The following GCN1 variants were observed in gnomAD, a reference collection of about 807,000 sequenced individuals.
The protein encoded by GCN1 is stalled ribosome sensor GCN1.
GCN1 carries 90 observed loss-of-function variants against 288.4 expected under a neutral mutation model. The observed-to-expected ratio is 0.31, with a 90% CI of 0.26 to 0.37. The LOEUF (loss-of-function observed/expected upper bound fraction) is 0.37, where lower values mean the gene tolerates loss of function less well. Among genes scored for constraint, GCN1 ranks in the 10% least tolerant of loss-of-function variants. The pLI is 1.00. For missense variants in GCN1, 2,586 were observed against 3,419.9 expected (o/e 0.76, Z 6.08); for synonymous variants, 1,386 against 1,420.2 (o/e 0.98, Z 0.54).
chr12:120,148,109 C>T, intron 37 of GCN1, 58 bp downstream of exon 37: 1 of 1,323,094 alleles, frequency 7.6e-7, no homozygotes, highest in East Asian at 2.3e-5. Flanking sequence ...CCTGCAGTGT[C>T]CAAAGGCTGC....
chr12:120,194,684 G>C lies in GCN1; in HGVS notation c.14C>G (p.Thr5Arg). MAAD[T>R]QVSETLKRFA... ...CCCCGCAGCCGCCCGCCTCACCTGC[G>C]TGTCCGCCGCCATCCTGCCGGGGCT... Residue 5 changes from threonine (T) to arginine (R), a missense_variant, in exon 1 of 58, where the codon ACG (threonine) becomes AGG (arginine). Physicochemically the swap from Thr to Arg is moderately conservative, Grantham distance 71. Transcript: ENST00000300648. 2.0e-6 allele frequency: 3 copies of C among 1,513,246 alleles called. No homozygotes were observed. Among genetic ancestry groups the C allele is most frequent in the Non-Finnish European group, 2.6e-6 (3 of 1,137,416 alleles). The allele number at this position is 1,513,246 out of a possible 1,614,324, so 93.7% of individuals were successfully genotyped here. A position where few individuals can be genotyped will look rare whatever the true frequency, so the allele number is the denominator to read the frequency against.
chr12:120,194,378 G>A (rs1185548591), intron 1 of GCN1, among the ~76,000 whole-genome samples: 1 of 152,240 alleles, frequency 6.6e-6, no homozygotes, highest in East Asian at 1.9e-4. Context: ...TTGGAGAAAA[G>A]AAGTAGAGGC....
At chr12:120,154,149 G>A (rs1056867621) in intron 31 of GCN1, among the ~76,000 whole-genome samples, 2 of 152,252 alleles carry the variant, frequency 1.3e-5, no homozygotes, top group African/African-American at 2.4e-5. Flanking sequence ...CCAGCCCTGT[G>A]TTGGTTTCCC....
At chr12:120,141,551 C>T (rs1199599873) in intron 44 of GCN1, among the ~76,000 whole-genome samples, 1 of 152,184 alleles carries the variant, frequency 6.6e-6, no homozygotes, top group Non-Finnish European at 1.5e-5. Flanking sequence ...GATCTGTCTG[C>T]CCCTGCCAGC....
At chr12:120,176,379 C>T (rs1356820989) in intron 9 of GCN1, among the ~76,000 whole-genome samples, 162 bp from the exon 10 acceptor site, 2 of 152,176 alleles carry the variant, frequency 1.3e-5, no homozygotes, top group East Asian at 1.9e-4. Context: ...AAGCTGTATA[C>T]CTCCCCATCC....
At chr12:120,182,712 C>T (rs1173973459) in intron 5 of GCN1, among the ~76,000 whole-genome samples, 2 of 152,098 alleles carry the variant, frequency 1.3e-5, no homozygotes, top group Admixed American at 6.6e-5. Flanking sequence ...CCAAGGCAGG[C>T]GGATCATCTG....
At chr12:120,164,783 A>G in intron 16 of GCN1, 62 bp from the exon 17 acceptor site, 1 of 970,402 alleles carries the variant, frequency 1.0e-6, no homozygotes, top group Non-Finnish European at 1.6e-6. Flanking sequence ...CATACATACC[A>G]ATACCCAGAA....
intron 33 of GCN1, among the ~76,000 whole-genome samples, chr12:120,152,451 T>C (rs970553955): frequency 6.0e-5 from 8 of 133,050 alleles, no homozygotes; most frequent in East Asian, 2.1e-4. Flanking sequence ...TATATATATA[T>C]ACATGCGTGT....
rs1176238243 is a variant in GCN1, at chr12:120,127,408, T to C, written c.*441A>G. The C allele has an allele frequency of 6.1e-6, 1 of 163,900 alleles. No homozygotes were observed. Among genetic ancestry groups the C allele is most frequent in the African/African-American group, 2.4e-5 (1 of 41,774 alleles). 10.2% of individuals were successfully genotyped at this position (163,900 alleles called of 1,614,324 possible). On this transcript the variant is annotated 3_prime_UTR_variant, in exon 58 of 58. Transcript: ENST00000300648. Reference sequence around the variant, plus strand: ...GGTCAGATCCATTCAGACCTCACAATATTGAAAAGCCAAGCCAGACACACC... The same window carrying C: ...GGTCAGATCCATTCAGACCTCACAACATTGAAAAGCCAAGCCAGACACACC...
intron 14 of GCN1, among the ~76,000 whole-genome samples, chr12:120,171,685 T>C (rs1878319009): frequency 6.6e-6 from 1 of 152,234 alleles, no homozygotes; most frequent in African/African-American, 2.4e-5. Context: ...ATTATGTTTA[T>C]TTTAAAAGCA....
rs892599359 is a variant in GCN1 at position 120,184,872 on chromosome 12, G to A, written c.137C>T (p.Ala46Val). 6 of 1,610,300 alleles carry A rather than the reference G, an allele frequency of 3.7e-6. No homozygotes were observed. In the Admixed American group the frequency reaches 5.0e-5, roughly 13 times the overall value. The part of the protein sequence containing the change: ...CVAGKDLPEG[A>V]VKGLCKLFCL... ...GAACAATTTGCAGAGCCCCTTCACT[G>A]CTCCCTCTGGAAGATCTGAAACCAG... Residue 46 changes from alanine (A) to valine (V), a missense_variant, in exon 3 of 58, where the codon GCA becomes GTA. This residue lies in a region of GCN1 where 913 missense variants were observed against 1,107.0 expected (regional missense o/e 0.82). Coordinates refer to ENST00000300648, the MANE Select transcript of GCN1 (RefSeq NM_006836.2).
intron 19 of GCN1, 40 bp from the exon 20 acceptor site, chr12:120,163,011 C>A: frequency 1.9e-6 from 3 of 1,613,790 alleles, no homozygotes; most frequent in Non-Finnish European, 2.5e-6. Context: ...TCTGCCTGGC[C>A]TGCTCTTACC....
In GCN1 at chr12:120,184,117, A is replaced by G. The variant is rs1489953775; in HGVS notation, c.312T>C (p.Val104=). The change falls in exon 4 of 58, where the codon GTT becomes GTC. Residue 104 remains valine, a synonymous_variant. Coordinates refer to ENST00000300648, the MANE Select transcript of GCN1 (RefSeq NM_006836.2). ...QSSGIGSKAG[V]PSKSSGSAAL... is the part of the protein sequence containing the mutation. ...CCACAACTTTTACCTCTTACCTGGG[A>G]ACACCTGCTTTGGAGCCTATACCAG... 4.3e-6 allele frequency: 7 copies of G among 1,612,178 alleles called. No individual in the cohort carries two copies. The African/African-American group carries it at 9.3e-5, about 22-fold the overall frequency.
At chr12:120,184,635 C>A (rs1292566815) in intron 3 of GCN1, among the ~76,000 whole-genome samples, 189 bp downstream of exon 3, 1 of 152,136 alleles carries the variant, frequency 6.6e-6, no homozygotes, top group Non-Finnish European at 1.5e-5. Flanking sequence ...TGGCACCATC[C>A]CCATTCTGCA....
intron 18 of GCN1, among the ~76,000 whole-genome samples, 196 bp downstream of exon 18, chr12:120,164,140 G>A (rs1220372855): frequency 6.6e-6 from 1 of 152,122 alleles, no homozygotes; most frequent in Non-Finnish European, 1.5e-5. Context: ...TAAGCTACAT[G>A]TGAAAAAAAG....
At chr12:120,130,029 G>A (rs548660764) in intron 56 of GCN1, among the ~76,000 whole-genome samples, 10 of 152,280 alleles carry the variant, frequency 6.6e-5, no homozygotes, top group South Asian at 4.1e-4. Flanking sequence ...CCGGTGCTGC[G>A]GGGGGAGGCA....
At position 120,136,570 on chromosome 12, in the gene GCN1, G is replaced by C. The variant is rs781332254; in HGVS notation, c.6940C>G (p.Leu2314Val). 6.2e-7 allele frequency: 1 copy of C among 1,614,216 alleles called. No homozygotes were observed. Residue 2314 changes from leucine (L) to valine (V), a missense_variant, in exon 51 of 58, where the codon CTG (leucine) becomes GTG (valine). This residue lies in a region of GCN1 where 17 missense variants were observed against 52.8 expected (regional missense o/e 0.32). Transcript: ENST00000300648. The part of the protein sequence containing the change: ...VSITGPLIRI[L>V]GDRFSWNVKA... ...ACATTCCAGCTGAACCTGTCCCCCA[G>C]GATGCGGATCAGAGGGCCAGTGATG...
chr12:120,143,427 A>G (rs1463692191), intron 42 of GCN1, among the ~76,000 whole-genome samples: 1 of 152,304 alleles, frequency 6.6e-6, no homozygotes, highest in Admixed American at 6.5e-5. Context: ...TACTAAAAAT[A>G]CAAAATTAGC....
intron 53 of GCN1, 117 bp from the exon 54 acceptor site, chr12:120,132,139 ACT>A: frequency 1.5e-6 from 1 of 679,028 alleles, no homozygotes. Context: ...GGAAAAGCCA[ACT>A]CAGAGACTCA....
Sources: gnomAD v4.1 joint callset for allele counts (sites outside exome capture counted in the v4.1 genomes callset) on GRCh38, gnomAD v4.1.1 for gene constraint, gnomAD v4.1.1 regional missense constraint, MANE v1.5 for transcripts, NCBI Gene and HGNC (gene_info 2026-07-23, HGNC 2026-07-21) for gene names.